The following PLXNA4 variants were observed in gnomAD, a reference collection of about 807,000 sequenced individuals.
PLXNA4 encodes the protein plexin A4.
In PLXNA4, 44 loss-of-function variants were observed where a neutral mutation model predicts 191.8. The observed-to-expected ratio is 0.23, with a 90% CI of 0.18 to 0.29. The LOEUF is 0.29. PLXNA4 is among the 10% of genes least tolerant of loss of function. The pLI, the probability that PLXNA4 is intolerant of heterozygous loss-of-function variation, is 1.00. For missense variants in PLXNA4, 1,800 were observed against 2,488.8 expected (o/e 0.72, Z 5.89); for synonymous variants, 1,082 against 1,009.5 (o/e 1.07, Z -1.36).
chr7:132,387,407 C>T (rs1805196517), intron 3 of PLXNA4, among the ~76,000 whole-genome samples: 1 of 152,198 alleles, frequency 6.6e-6, no homozygotes, highest in Non-Finnish European at 1.5e-5. Flanking sequence ...AGATACTCAA[C>T]GTTGAAGTGC....
intron 4 of PLXNA4, among the ~76,000 whole-genome samples, chr7:132,278,439 T>C (rs574116994): frequency 7.9e-5 from 12 of 152,292 alleles, no homozygotes; most frequent in Admixed American, 2.0e-4. Context: ...TGTTCATTTC[T>C]TTATTTCTTT....
At chr7:132,638,925 GACATCTTATCTTTTC>G (rs1317779078) in intron 2 of PLXNA4, among the ~76,000 whole-genome samples, 1 of 152,126 alleles carries the variant, frequency 6.6e-6, no homozygotes, top group Non-Finnish European at 1.5e-5. Context: ...TTAATCACAG[GACATCTTATCTTTTC>G]AAGTCTCCAG....
At position 132,128,881 on chromosome 7, in the gene PLXNA4, CA is replaced by C; in HGVS notation, c.*1597del. The C allele has an allele frequency of 6.6e-6, 1 of 152,366 alleles. No homozygotes were observed. The highest frequency in any genetic ancestry group is 6.5e-5 in the Admixed American group (1 of 15,304). 9.4% of individuals were successfully genotyped at this position (152,366 alleles called of 1,614,324 possible). A position where few individuals can be genotyped will look rare whatever the true frequency, so the allele number is the denominator to read the frequency against. Reference sequence around the variant, plus strand: ...GTGAACAACTCCAGAGCAGAGGTGCCAACAGAGACTCCTGCTTAGGATGGGA... The same window carrying C: ...GTGAACAACTCCAGAGCAGAGGTGCCACAGAGACTCCTGCTTAGGATGGGA... On this transcript the variant is annotated 3_prime_UTR_variant, in exon 32 of 32. Coordinates refer to ENST00000321063, the MANE Select transcript of PLXNA4 (RefSeq NM_020911.2).
chr7:132,350,469 A>G (rs1353828374), intron 3 of PLXNA4, among the ~76,000 whole-genome samples: 5 of 152,182 alleles, frequency 3.3e-5, no homozygotes, highest in Non-Finnish European at 7.3e-5. Context: ...GTGCCACTGC[A>G]CTCCAGCCTG....
intron 9 of PLXNA4, among the ~76,000 whole-genome samples, chr7:132,221,444 C>A (rs751592287): frequency 3.8e-4 from 58 of 152,202 alleles, no homozygotes; most frequent in Admixed American, 8.5e-4. Context: ...AAGTTATTTG[C>A]AGGTTTCAGA....
chr7:132,482,568 T>C (rs756039039), intron 3 of PLXNA4, among the ~76,000 whole-genome samples: 3 of 152,100 alleles, frequency 2.0e-5, no homozygotes, highest in African/African-American at 4.8e-5. Context: ...AGAAACTGTA[T>C]GTATGATAAT....
intron 29 of PLXNA4, among the ~76,000 whole-genome samples, chr7:132,141,434 T>C (rs1281119924): frequency 6.6e-6 from 1 of 152,136 alleles, no homozygotes; most frequent in Admixed American, 6.5e-5. Context: ...CTCCTTCCCC[T>C]CCAGTTGGCA....
chr7:132,353,803 C>T (rs945270249), intron 3 of PLXNA4, among the ~76,000 whole-genome samples: 5 of 152,172 alleles, frequency 3.3e-5, no homozygotes, highest in Non-Finnish European at 5.9e-5. Context: ...GGGGGGCAAG[C>T]AGTATCTTGC....
chr7:132,496,001 C>T (rs188113172), intron 2 of PLXNA4, among the ~76,000 whole-genome samples: 1 of 152,330 alleles, frequency 6.6e-6, no homozygotes, highest in Admixed American at 6.5e-5. Context: ...CAGTTCCTGC[C>T]CCAAAGAACT....
intron 4 of PLXNA4, among the ~76,000 whole-genome samples, chr7:132,296,998 G>A (rs189764037): frequency 2.0e-5 from 3 of 152,210 alleles, no homozygotes; most frequent in East Asian, 3.9e-4. Flanking sequence ...ATGTCATCGA[G>A]CTCTTGGGGA....
chr7:132,353,419 A>G (rs1464243347), intron 3 of PLXNA4, among the ~76,000 whole-genome samples: 1 of 151,216 alleles, frequency 6.6e-6, no homozygotes, highest in African/African-American at 2.5e-5. Flanking sequence ...TTACTTAATC[A>G]CAGGTTTGTG....
intron 3 of PLXNA4, among the ~76,000 whole-genome samples, chr7:132,448,600 A>T (rs918048513): frequency 6.6e-6 from 1 of 152,170 alleles, no homozygotes; most frequent in African/African-American, 2.4e-5. Context: ...AACTCTAAAC[A>T]ATCACCTTTC....
At chr7:132,223,128 G>A (rs79491224) in intron 9 of PLXNA4, among the ~76,000 whole-genome samples, 7,821 of 152,188 alleles carry the variant, frequency 0.051, 506 homozygotes, top group Admixed American at 0.14. Context: ...CCTCTTTGGG[G>A]GTCTCACTTC....
intron 1 of PLXNA4, among the ~76,000 whole-genome samples, chr7:132,548,809 T>C (rs190111787): frequency 6.6e-6 from 1 of 152,248 alleles, no homozygotes; most frequent in Admixed American, 6.5e-5. Context: ...ATACAGGTCA[T>C]AAAGACCTTG....
At chr7:132,399,545 G>C (rs993038946) in intron 3 of PLXNA4, among the ~76,000 whole-genome samples, 2 of 152,204 alleles carry the variant, frequency 1.3e-5, no homozygotes, top group African/African-American at 4.8e-5. Flanking sequence ...CTTCATGGGG[G>C]AGGCGGGACC....
At chr7:132,348,109 C>T (rs554261324) in intron 3 of PLXNA4, among the ~76,000 whole-genome samples, 4 of 152,266 alleles carry the variant, frequency 2.6e-5, no homozygotes, top group South Asian at 2.1e-4. Context: ...TCTCCCTACC[C>T]GCCCATTACT....
At chr7:132,608,065 A>G (rs1013468963) in intron 2 of PLXNA4, among the ~76,000 whole-genome samples, 3 of 148,770 alleles carry the variant, frequency 2.0e-5, no homozygotes, top group African/African-American at 7.4e-5. Context: ...CATCACTATC[A>G]CCATCACCAC....
intron 4 of PLXNA4, among the ~76,000 whole-genome samples, chr7:132,259,436 CAAAAAAAAAAAAAAAAAAAAAAAA>C (rs55902635): frequency 3.5e-4 from 12 of 33,854 alleles, no homozygotes; most frequent in African/African-American, 7.6e-4. Context: ...AACTCCAACT[CAAAAAAAAAAAAAAAAAAAAAAAA>C]AAAAAAAAAA....
chr7:132,135,676 G>GAGAAAGAC (rs1563050264), intron 30 of PLXNA4, among the ~76,000 whole-genome samples: 2 of 152,226 alleles, frequency 1.3e-5, no homozygotes, highest in Non-Finnish European at 1.5e-5. Flanking sequence ...ATGTGTGTGT[G>GAGAAAGAC]AGAAAGACAG....
Sources: allele counts gnomAD v4.1 joint callset (sites outside exome capture counted in the v4.1 genomes callset), GRCh38; gene constraint gnomAD v4.1.1; transcripts MANE v1.5; gene names NCBI Gene and HGNC (gene_info 2026-07-23, HGNC 2026-07-21).